The following MTA3 variants were observed in gnomAD, a reference collection of about 807,000 sequenced individuals.
The protein encoded by MTA3 is metastasis-associated protein MTA3.
Under a neutral mutation model 83.5 loss-of-function variants are expected in MTA3, and 34 were observed. The observed-to-expected ratio is 0.41, with a 90% confidence interval of 0.31 to 0.54. MTA3 has a LOEUF of 0.54. Among genes scored for constraint, MTA3 ranks in the 20% least tolerant of loss-of-function variants. MTA3 has a pLI of 0.33. For missense variants in MTA3, 761 were observed against 726.4 expected, an observed-to-expected ratio of 1.05 and a Z score of -0.55; for synonymous variants, 303 against 252.7, an observed-to-expected ratio of 1.20 and a Z score of -1.89.
chr2:42,589,310 CATG>C (rs991308626), intron 3 of MTA3, among the ~76,000 whole-genome samples: 15 of 152,204 alleles, frequency 9.9e-5, no homozygotes, highest in African/African-American at 3.4e-4. Context: ...TATTTAAATA[CATG>C]ATGCAAATTT....
chr2:42,633,735 C>CA (rs1179896682), intron 4 of MTA3, among the ~76,000 whole-genome samples: 1 of 151,160 alleles, frequency 6.6e-6, no homozygotes, highest in Non-Finnish European at 1.5e-5. Flanking sequence ...ACTAAAAATA[C>CA]AAAAAAAAGT....
chr2:42,504,711 G>A (rs950770472), intron 2 of MTA3, among the ~76,000 whole-genome samples: 1 of 149,906 alleles, frequency 6.7e-6, no homozygotes, highest in African/African-American at 2.5e-5. Context: ...TGCCCAGGCT[G>A]GTCTTGAACT....
chr2:42,712,354 G>T (rs7607718), intron 14 of MTA3, among the ~76,000 whole-genome samples: 96,806 of 151,618 alleles, frequency 0.64, 31,653 homozygotes, highest in South Asian at 0.79. Flanking sequence ...CTGGAGTGCA[G>T]TGGTACCATC....
At chr2:42,613,007 A>C (rs1440777980) in intron 4 of MTA3, among the ~76,000 whole-genome samples, 3 of 152,246 alleles carry the variant, frequency 2.0e-5, no homozygotes, top group Non-Finnish European at 4.4e-5. Flanking sequence ...GATAGCTTGA[A>C]ATCTGTTTAT....
intron 2 of MTA3, among the ~76,000 whole-genome samples, chr2:42,553,683 C>A (rs572171765): frequency 6.6e-6 from 1 of 150,898 alleles, no homozygotes; most frequent in Non-Finnish European, 1.5e-5. Context: ...TGCAGTGAGC[C>A]GAGATCACGC....
intron 3 of MTA3, among the ~76,000 whole-genome samples, chr2:42,592,145 TC>T (rs1349044063): frequency 6.6e-6 from 1 of 152,074 alleles, no homozygotes; most frequent in East Asian, 1.9e-4. Flanking sequence ...ACACCTGTAG[TC>T]CCAGCTAAGG....
Position 42,704,336 on chromosome 2 carries a change from G to T in MTA3, c.1150+18G>T. On this transcript the variant is annotated intron_variant, in intron 12 of 16. Transcript: ENST00000405094. Reference sequence around the variant, plus strand: ...CTGCTATGGTAAGTTTTCTCTAGCAGGTCAGTTAAGCATCGGGAACTGTTC... The same window carrying T: ...CTGCTATGGTAAGTTTTCTCTAGCATGTCAGTTAAGCATCGGGAACTGTTC... 6.2e-7 allele frequency: 1 copy of T among 1,613,128 alleles called. No homozygotes were observed. Among genetic ancestry groups the T allele is most frequent in the Non-Finnish European group, 8.5e-7 (1 of 1,179,432 alleles).
chr2:42,724,658 G>A (rs1369855694), intron 16 of MTA3, among the ~76,000 whole-genome samples: 1 of 143,324 alleles, frequency 7.0e-6, no homozygotes, highest in Non-Finnish European at 1.5e-5. Context: ...ACACACACAC[G>A]ACTGTTACTG....
At chr2:42,642,716 C>G (rs1687804992) in intron 5 of MTA3, among the ~76,000 whole-genome samples, 1 of 149,076 alleles carries the variant, frequency 6.7e-6, no homozygotes, top group Non-Finnish European at 1.5e-5. Flanking sequence ...GCAATCTTGG[C>G]TCACTGCAAC....
chr2:42,494,304 G>T (rs1035247840), upstream of MTA3, among the ~76,000 whole-genome samples: 1 of 152,128 alleles, frequency 6.6e-6, no homozygotes. Flanking sequence ...CTGGGCCATC[G>T]GGATGAATTG....
At chr2:42,601,896 G>A (rs2104003927) in intron 3 of MTA3, among the ~76,000 whole-genome samples, 1 of 152,180 alleles carries the variant, frequency 6.6e-6, no homozygotes, top group East Asian at 1.9e-4. Context: ...TTGGAGTGCA[G>A]TGGGATGATC....
At chr2:42,752,091 G>A in intron 16 of MTA3, 1 of 436,076 alleles carries the variant, frequency 2.3e-6, no homozygotes, top group Non-Finnish European at 4.7e-6. Context: ...GGTTAAATAA[G>A]GTAGTTACAT....
chr2:42,503,865 A>G (rs937632121), intron 2 of MTA3, among the ~76,000 whole-genome samples: 2 of 152,022 alleles, frequency 1.3e-5, no homozygotes, highest in African/African-American at 4.8e-5. Context: ...GAAAGAAAGG[A>G]AAACAAATAA....
intron 2 of MTA3, among the ~76,000 whole-genome samples, chr2:42,527,052 CAAAAAAAAA>C (rs34030475): frequency 8.8e-5 from 4 of 45,334 alleles, no homozygotes; most frequent in Admixed American, 2.9e-4. Context: ...GACTCTGTCT[CAAAAAAAAA>C]AAAAAAAAAA....
chr2:42,519,645 C>T (rs998616464), intron 2 of MTA3, among the ~76,000 whole-genome samples: 4 of 150,694 alleles, frequency 2.7e-5, no homozygotes, highest in African/African-American at 7.3e-5. Flanking sequence ...CATGGTGGAA[C>T]GCATCTTAGT....
intron 16 of MTA3, among the ~76,000 whole-genome samples, chr2:42,741,431 G>C (rs1430923914): frequency 6.6e-6 from 1 of 152,222 alleles, no homozygotes; most frequent in Non-Finnish European, 1.5e-5. Flanking sequence ...CAAGAGGCCT[G>C]ACTTGCAACC....
At chr2:42,513,935 C>T (rs1365027664) in intron 2 of MTA3, among the ~76,000 whole-genome samples, 1 of 152,166 alleles carries the variant, frequency 6.6e-6, no homozygotes, top group Non-Finnish European at 1.5e-5. Context: ...AAGTCTAGGC[C>T]AGGCACGGTG....
Position 42,753,532 on chromosome 2 carries a change from C to T in MTA3, c.*133C>T, listed in dbSNP as rs1573863932. On this transcript the variant is annotated 3_prime_UTR_variant, in exon 17 of 17. Coordinates refer to ENST00000405094, the MANE Select transcript of MTA3 (RefSeq NM_001330442.2). ...AGACCTCTGCGTGCATCCATGGAGACGCAATGGGGCGGGGAAGGAACTGTG... is the reference window on the plus strand; with the variant it reads ...AGACCTCTGCGTGCATCCATGGAGATGCAATGGGGCGGGGAAGGAACTGTG... 15 of 1,490,792 alleles carry T rather than the reference C, an allele frequency of 1.0e-5. No individual in the cohort carries two copies. Among genetic ancestry groups the T allele is most frequent in the South Asian group, 2.6e-5 (2 of 76,608 alleles). 92.3% of individuals were successfully genotyped at this position (1,490,792 alleles called of 1,614,324 possible). A position where few individuals can be genotyped will look rare whatever the true frequency, so the allele number is the denominator to read the frequency against.
intron 8 of MTA3, among the ~76,000 whole-genome samples, chr2:42,664,499 C>G (rs1285894531): frequency 1.3e-5 from 1 of 78,702 alleles, no homozygotes; most frequent in Non-Finnish European, 2.2e-5. Context: ...TTTTTTGAGA[C>G]AGTTTGCTCT....
Sources: allele counts gnomAD v4.1 joint callset (sites outside exome capture counted in the v4.1 genomes callset), GRCh38; gene constraint gnomAD v4.1.1; transcripts MANE v1.5; gene names NCBI Gene and HGNC (gene_info 2026-07-23, HGNC 2026-07-21).